Variants in LIMCH1 observed in about 807,000 individuals in gnomAD.
LIMCH1 encodes LIM and calponin homology domains-containing protein 1.
In LIMCH1, 113 loss-of-function variants were observed where a neutral mutation model predicts 176.5. The observed-to-expected ratio is 0.64, with a 90% CI of 0.55 to 0.75. The LOEUF is 0.75. LIMCH1 is among the 30% of genes least tolerant of loss of function. The pLI is 0.00. For synonymous variants in LIMCH1, 619 were observed against 645.9 expected, an observed-to-expected ratio of 0.96 and a Z score of 0.63; for missense variants, 1,674 against 1,814.9, an observed-to-expected ratio of 0.92 and a Z score of 1.41.
chr4:41,495,735 G>C (rs950475973), intron 2 of LIMCH1, among the ~76,000 whole-genome samples: 7 of 152,030 alleles, frequency 4.6e-5, no homozygotes, highest in Non-Finnish European at 1.0e-4. Context: ...AGCTTCAAAA[G>C]GATAGAGTGA....
At chr4:41,492,922 A>G (rs1469951306) in intron 1 of LIMCH1, among the ~76,000 whole-genome samples, 3 of 152,156 alleles carry the variant, frequency 2.0e-5, no homozygotes, top group Admixed American at 6.5e-5. Context: ...ATATAGTTAT[A>G]TCAGACTTTC....
rs1243113927 is a variant in LIMCH1, at chr4:41,670,994, AT to A, written c.3398-559del. The stretch of plus-strand genomic sequence containing the variant: ...AGGAGGAGAGGAATCACACAACTTT[AT>A]GTTGATTTCAAGAATTCAAAGAAAT... On this transcript the variant is annotated intron_variant, in intron 21 of 31. Transcript: ENST00000503057. 4.1e-6 allele frequency: 4 copies of A among 980,534 alleles called. No individual in the cohort carries two copies. The African/African-American group carries it at 5.3e-5, about 13-fold the overall frequency. The allele number at this position is 980,534 out of a possible 1,614,324, so 60.7% of individuals were successfully genotyped here.
At chr4:41,442,096 T>G (rs2154141856) in intron 1 of LIMCH1, among the ~76,000 whole-genome samples, 1 of 152,238 alleles carries the variant, frequency 6.6e-6, no homozygotes, top group South Asian at 2.1e-4. Context: ...GGTGGGCAGA[T>G]CAAGACCAGT....
intron 1 of LIMCH1, among the ~76,000 whole-genome samples, chr4:41,556,378 A>G (rs1331508379): frequency 7.1e-6 from 1 of 140,756 alleles, no homozygotes; most frequent in African/African-American, 2.9e-5. Flanking sequence ...CTGGGCAACA[A>G]GGGCAAAACT....
chr4:41,375,608 A>G (rs770036969), intron 1 of LIMCH1, among the ~76,000 whole-genome samples: 2 of 152,242 alleles, frequency 1.3e-5, no homozygotes, highest in Non-Finnish European at 2.9e-5. Flanking sequence ...CCTGAAGCCT[A>G]GAAATAGCAA....
intron 1 of LIMCH1, among the ~76,000 whole-genome samples, chr4:41,382,764 G>T (rs1464269031): frequency 6.6e-6 from 1 of 152,104 alleles, no homozygotes; most frequent in South Asian, 2.1e-4. Context: ...AGTCTTCCAC[G>T]TCTCGTGAAG....
intron 1 of LIMCH1, among the ~76,000 whole-genome samples, chr4:41,452,869 C>T (rs944974582): frequency 5.9e-5 from 9 of 152,080 alleles, no homozygotes; most frequent in Non-Finnish European, 1.3e-4. Flanking sequence ...TTTCTGTTGC[C>T]CTCAATAGAT....
At chr4:41,463,171 TAA>T (rs11326529) in intron 1 of LIMCH1, among the ~76,000 whole-genome samples, 2 of 149,152 alleles carry the variant, frequency 1.3e-5, no homozygotes. Flanking sequence ...AAAAATTCAT[TAA>T]AAAAAAAAAC....
chr4:41,583,946 T>G (rs1216440439), intron 1 of LIMCH1, among the ~76,000 whole-genome samples: 2 of 152,226 alleles, frequency 1.3e-5, no homozygotes, highest in Admixed American at 1.3e-4. Flanking sequence ...TTTTGTGGTG[T>G]TTCCTTTCTG....
At chr4:41,619,975 A>G (rs2092438346) in intron 6 of LIMCH1, 3 of 183,428 alleles carry the variant, frequency 1.6e-5, no homozygotes, top group Non-Finnish European at 3.5e-5. Flanking sequence ...GTATTTATTT[A>G]TTCATTTATT....
At chr4:41,469,167 G>A (rs2066584365) in intron 1 of LIMCH1, among the ~76,000 whole-genome samples, 1 of 152,140 alleles carries the variant, frequency 6.6e-6, no homozygotes, top group African/African-American at 2.4e-5. Context: ...CTGGTAGCCG[G>A]ACACTGATGT....
At chr4:41,576,827 G>A (rs1417569715) in intron 1 of LIMCH1, among the ~76,000 whole-genome samples, 1 of 152,136 alleles carries the variant, frequency 6.6e-6, no homozygotes, top group East Asian at 1.9e-4. Context: ...AAAGCAAGAT[G>A]TACCTACATT....
chr4:41,620,335 A>G, intron 6 of LIMCH1, 89 bp from the exon 7 acceptor site: 1 of 1,261,610 alleles, frequency 7.9e-7, no homozygotes, highest in Non-Finnish European at 1.1e-6. Flanking sequence ...TAAAGTGAAA[A>G]GTAATATCAG....
intron 3 of LIMCH1, among the ~76,000 whole-genome samples, chr4:41,530,524 T>C (rs2077144860): frequency 6.6e-6 from 1 of 152,098 alleles, no homozygotes; most frequent in Admixed American, 6.5e-5. Flanking sequence ...TGTTGTTTTT[T>C]GGCCAGGCAT....
rs748486121 is a variant in LIMCH1, at chr4:41,692,267, C to G, written c.4276-15C>G. ...CCTTATGCATCTTATGATGTCTGTT[C>G]TTTTTACCCTATAGTGTGGAATTTG... On this transcript the variant is annotated splice_polypyrimidine_tract_variant and intron_variant, in intron 30 of 31. Coordinates refer to ENST00000503057, the MANE Select transcript of LIMCH1 (RefSeq NM_001330672.2). 7.3e-6 allele frequency: 11 copies of G among 1,504,926 alleles called. No individual in the cohort carries two copies. The highest frequency in any genetic ancestry group is 1.0e-5 in the Non-Finnish European group (11 of 1,080,646). 93.2% of individuals were successfully genotyped at this position (1,504,926 alleles called of 1,614,324 possible).
intron 1 of LIMCH1, among the ~76,000 whole-genome samples, chr4:41,422,052 C>T (rs1405683529): frequency 2.0e-5 from 3 of 152,220 alleles, no homozygotes; most frequent in East Asian, 3.9e-4. Flanking sequence ...CACTGCACTC[C>T]AGCCTGGGTG....
chr4:41,670,914 G>T (rs1363273743), intron 21 of LIMCH1: 1 of 1,436,354 alleles, frequency 7.0e-7, no homozygotes, highest in East Asian at 2.6e-5. Context: ...CTTATGCACA[G>T]TTAGCAAAGA....
At chr4:41,501,806 G>C (rs2073315544) in intron 2 of LIMCH1, among the ~76,000 whole-genome samples, 1 of 149,406 alleles carries the variant, frequency 6.7e-6, no homozygotes, top group Non-Finnish European at 1.5e-5. Flanking sequence ...GAATCAGGAA[G>C]GCGGGTTTAA....
At chr4:41,667,731 A>G (rs1257299035) in intron 21 of LIMCH1, among the ~76,000 whole-genome samples, 2 of 152,146 alleles carry the variant, frequency 1.3e-5, no homozygotes, top group African/African-American at 4.8e-5. Context: ...AAGGGCCCTG[A>G]GGGATGTGAA....
Sources: allele counts gnomAD v4.1 joint callset (sites outside exome capture counted in the v4.1 genomes callset), GRCh38; gene constraint gnomAD v4.1.1; transcripts MANE v1.5; gene names NCBI Gene and HGNC (gene_info 2026-07-23, HGNC 2026-07-21).